The following LGALS9C variants were observed in gnomAD, a reference collection of about 807,000 sequenced individuals.
LGALS9C encodes galectin 9C.
LGALS9C carries 7 observed loss-of-function variants against 41.3 expected under a neutral mutation model. The ratio of observed to expected loss-of-function variants is 0.17; its 90% CI spans 0.10 to 0.32. The LOEUF is 0.32. Among genes scored for constraint, LGALS9C ranks in the 10% least tolerant of loss-of-function variants. The probability of loss-of-function intolerance (pLI) is 1.00; values close to 1 mark genes in which losing one functional copy is unlikely to be tolerated. For synonymous variants in LGALS9C, 44 were observed against 171.0 expected (o/e 0.26, Z 5.80); for missense variants, 102 against 455.2 (o/e 0.22, Z 7.06).
chr17:18,480,959 A>T (rs1395286118), intron 1 of LGALS9C, among the ~76,000 whole-genome samples: 3 of 146,722 alleles, frequency 2.0e-5, no homozygotes, highest in South Asian at 2.2e-4. Context: ...TTTCAAAAAA[A>T]TTTGAAAATT....
intron 1 of LGALS9C, among the ~76,000 whole-genome samples, chr17:18,480,200 T>C (rs1598140146): frequency 1.8e-5 from 2 of 108,792 alleles, no homozygotes; most frequent in Non-Finnish European, 2.3e-5. Flanking sequence ...CAGAATGAGA[T>C]CCTGTCTCAA....
rs547086559 is a variant in LGALS9C at position 18,494,411 on chromosome 17, T to G, written c.*44T>G. On this transcript the variant is annotated 3_prime_UTR_variant, in exon 11 of 11. Transcript: ENST00000328114. The stretch of plus-strand genomic sequence containing the variant: ...GGCCGGGGGCTGGGGTGTGGGGCAG[T>G]CTGGGTCCTCTCATCATCCCCACTT... The G allele has an allele frequency of 6.5e-7, 1 of 1,550,034 alleles. No individual in the cohort carries two copies. The highest frequency in any genetic ancestry group is 2.2e-5 in the East Asian group (1 of 44,714).
intron 3 of LGALS9C, 26 bp from the exon 4 acceptor site, chr17:18,487,621 C>A (rs373346900): frequency 7.1e-6 from 10 of 1,409,364 alleles, no homozygotes; most frequent in Non-Finnish European, 9.7e-6. Context: ...GGCACCTCCC[C>A]CGAAATACGT....
chr17:18,479,434 G>A (rs1989318525), intron 1 of LGALS9C, among the ~76,000 whole-genome samples: 1 of 129,694 alleles, frequency 7.7e-6, no homozygotes, highest in Admixed American at 7.4e-5. Context: ...GTCCTCTCCA[G>A]AATGCTGCCA....
intron 1 of LGALS9C, among the ~76,000 whole-genome samples, chr17:18,482,075 G>A (rs1227573173): frequency 6.6e-6 from 1 of 150,498 alleles, no homozygotes; most frequent in African/African-American, 2.4e-5. Context: ...CCCACCTTCA[G>A]ATATGCGGAA....
At chr17:18,492,397 C>T in intron 8 of LGALS9C, 60 bp from the exon 9 acceptor site, 1 of 1,508,140 alleles carries the variant, frequency 6.6e-7, no homozygotes, top group Non-Finnish European at 9.1e-7. Context: ...ACAATCTTCC[C>T]CTTCCATGTG....
In LGALS9C at chr17:18,492,341, T is replaced by C. The variant is rs1989841862; in HGVS notation, c.673-116T>C. ...GCTTTTATGGAACCAAGGAAAGATA[T>C]CGTGGGCTTCTTCTCAGCTGACAGC... is the stretch of plus-strand genomic sequence containing the variant. On this transcript the variant is annotated intron_variant, in intron 8 of 10. Coordinates refer to ENST00000328114, the MANE Select transcript of LGALS9C (RefSeq NM_001040078.3). The C allele has an allele frequency of 4.6e-6, 6 of 1,316,324 alleles. 2 individuals carry two copies. Among genetic ancestry groups the C allele is most frequent in the Admixed American group, 2.0e-5 (1 of 50,132 alleles). 81.5% of individuals were successfully genotyped at this position (1,316,324 alleles called of 1,614,324 possible). A position where few individuals can be genotyped will look rare whatever the true frequency, so the allele number is the denominator to read the frequency against.
At chr17:18,477,844 C>T (rs1211039896) in intron 1 of LGALS9C, among the ~76,000 whole-genome samples, 2 of 129,186 alleles carry the variant, frequency 1.5e-5, no homozygotes, top group East Asian at 3.9e-4. Context: ...GCTGATGGGC[C>T]CTTCCTGAGT....
intron 2 of LGALS9C, among the ~76,000 whole-genome samples, chr17:18,485,211 C>CT (rs1259657927): frequency 1.0e-4 from 12 of 116,208 alleles, no homozygotes; most frequent in African/African-American, 3.3e-4. Context: ...GAGACAGGGA[C>CT]TTTTTTCTTT....
At chr17:18,487,292 CAA>C (rs1202417016) in intron 3 of LGALS9C, among the ~76,000 whole-genome samples, 452 of 18,790 alleles carry the variant, frequency 0.024, no homozygotes, top group African/African-American at 0.052. Flanking sequence ...CACTCTATCT[CAA>C]AAAAAAAAAA....
In LGALS9C at chr17:18,494,439, C is replaced by T. The variant is rs1363558793; in HGVS notation, c.*72C>T. ...GGGTCCTCTCATCATCCCCACTTCC[C>T]AGGCCCAGCCTTTCCAACCGTGCCT... On this transcript the variant is annotated 3_prime_UTR_variant, in exon 11 of 11. Transcript: ENST00000328114. 1 of 1,491,180 alleles carries T rather than the reference C, an allele frequency of 6.7e-7. No homozygotes were observed. Among genetic ancestry groups the T allele is most frequent in the Non-Finnish European group, 9.2e-7 (1 of 1,087,830 alleles). 92.4% of individuals were successfully genotyped at this position (1,491,180 alleles called of 1,614,324 possible).
Position 18,490,561 on chromosome 17 carries a change from TA to T in LGALS9C, c.541-167del, listed in dbSNP as rs1598150845. 2.3e-5 allele frequency: 14 copies of T among 600,108 alleles called. No individual in the cohort carries two copies. The East Asian group carries it at 3.8e-4, about 16-fold the overall frequency. 37.2% of individuals were successfully genotyped at this position (600,108 alleles called of 1,614,324 possible). ...CCCCAAAGCCTTGTGCACCTGAGGG[TA>T]AAAATCTGGGTGCCACGGGCTCAGG... On this transcript the variant is annotated intron_variant, in intron 5 of 10. Transcript: ENST00000328114.
intron 1 of LGALS9C, among the ~76,000 whole-genome samples, chr17:18,477,134 C>G (rs1682218): frequency 0.014 from 1,578 of 114,184 alleles, 19 homozygotes; most frequent in Middle Eastern, 0.037. Flanking sequence ...CTGAGCTGTC[C>G]TGTCCTGTCC....
chr17:18,481,630 A>T (rs1989390375), intron 1 of LGALS9C, among the ~76,000 whole-genome samples: 1 of 119,584 alleles, frequency 8.4e-6, no homozygotes, highest in Middle Eastern at 3.7e-3. Flanking sequence ...GAGAAGTCAG[A>T]GACACAGAGA....
intron 2 of LGALS9C, among the ~76,000 whole-genome samples, chr17:18,484,758 C>T (rs551021621): frequency 6.6e-6 from 1 of 151,172 alleles, no homozygotes; most frequent in South Asian, 2.1e-4. Flanking sequence ...TCGTAGATGC[C>T]AGCTCAACCT....
At chr17:18,482,575 G>A (rs1321240052) in intron 1 of LGALS9C, among the ~76,000 whole-genome samples, 1 of 146,396 alleles carries the variant, frequency 6.8e-6, no homozygotes, top group Non-Finnish European at 1.5e-5. Flanking sequence ...CCAATACTAA[G>A]CCCAGACGGT....
In LGALS9C at chr17:18,477,179, G is replaced by A. The variant is rs1455184357; in HGVS notation, c.39+286G>A. On this transcript the variant is annotated intron_variant, in intron 1 of 10. Transcript: ENST00000328114. Reference sequence around the variant, plus strand: ...AGGGGAAGAGGTGTAGAGTGGGATGGTTTGTGTAAAGAGGAAGCAAGCATG... The same window carrying A: ...AGGGGAAGAGGTGTAGAGTGGGATGATTTGTGTAAAGAGGAAGCAAGCATG... 4.5e-5 allele frequency among the ~76,000 whole-genome samples: 6 copies of A among 133,098 alleles called. No individual in the cohort carries two copies. The South Asian group carries it at 7.1e-4, about 16-fold the overall frequency. The allele number at this position is 133,098 out of a possible 152,430, so 87.3% of individuals were successfully genotyped here.
At chr17:18,490,372 GC>G (rs1989754835) in intron 5 of LGALS9C, 1 of 146,492 alleles carries the variant, frequency 6.8e-6, no homozygotes. Flanking sequence ...CCAGGACTCG[GC>G]CCACAATAGG....
chr17:18,488,820 C>T, intron 4 of LGALS9C, 121 bp from the exon 5 acceptor site: 2 of 1,300,522 alleles, frequency 1.5e-6, no homozygotes, highest in Non-Finnish European at 2.1e-6. Context: ...GTGGCCCTAA[C>T]CCCCTTGCTG....
Sources: allele counts gnomAD v4.1 joint callset (sites outside exome capture counted in the v4.1 genomes callset), GRCh38; gene constraint gnomAD v4.1.1; transcripts MANE v1.5; gene names NCBI Gene and HGNC (gene_info 2026-07-23, HGNC 2026-07-21).